Variants in MSR1 observed in about 807,000 individuals in gnomAD.
MSR1 encodes the protein macrophage scavenger receptor 1.
MSR1 carries 53 observed loss-of-function variants against 47.2 expected under a neutral mutation model. The ratio of observed to expected loss-of-function variants is 1.12; its 90% CI spans 0.90 to 1.41. MSR1 has a LOEUF of 1.41. Among genes scored for constraint, MSR1 ranks in the 40% most tolerant of loss-of-function variants. The probability of loss-of-function intolerance (pLI) is 0.00; values close to 1 mark genes in which losing one functional copy is unlikely to be tolerated. For synonymous variants in MSR1, 239 were observed against 185.6 expected, an observed-to-expected ratio of 1.29 and a Z score of -2.34; for missense variants, 786 against 546.9, an observed-to-expected ratio of 1.44 and a Z score of -4.36.
At chr8:16,152,342 C>T (rs901094840) in intron 6 of MSR1, among the ~76,000 whole-genome samples, 1 of 152,014 alleles carries the variant, frequency 6.6e-6, no homozygotes, top group Non-Finnish European at 1.5e-5. Context: ...TAGGGAGGGG[C>T]CTTCTTGGGG....
At chr8:16,119,883 T>G (rs1799956848) in intron 9 of MSR1, among the ~76,000 whole-genome samples, 1 of 150,132 alleles carries the variant, frequency 6.7e-6, no homozygotes, top group South Asian at 2.1e-4. Context: ...TTTTTTTTTT[T>G]TTTTTTTTAA....
intron 1 of MSR1, among the ~76,000 whole-genome samples, chr8:16,183,961 G>C (rs1031213599): frequency 1.0e-4 from 15 of 148,056 alleles, no homozygotes; most frequent in African/African-American, 3.5e-4. Flanking sequence ...TGGGGAAGTG[G>C]GTAATCAAGG....
chr8:16,122,251 G>C (rs892004041), intron 8 of MSR1, among the ~76,000 whole-genome samples: 1 of 152,022 alleles, frequency 6.6e-6, no homozygotes, highest in Admixed American at 6.5e-5. Context: ...TAAAATTCCT[G>C]AGTGGCCCAA....
intron 8 of MSR1, chr8:16,139,354 C>T: frequency 2.1e-6 from 2 of 946,944 alleles, no homozygotes; most frequent in Non-Finnish European, 2.5e-6. Context: ...CACAGAGCAT[C>T]TTCACACACA....
At position 16,177,462 on chromosome 8, in the gene MSR1, G is replaced by A. The variant is rs1585191441; in HGVS notation, c.103+424C>T. 2.0e-5 allele frequency among the ~76,000 whole-genome samples: 3 copies of A among 151,810 alleles called. No individual in the cohort carries two copies. The East Asian group carries it at 5.8e-4, about 29-fold the overall frequency. On this transcript the variant is annotated intron_variant, in intron 2 of 9. Transcript: ENST00000262101. ...GATTCTTCTCTAGAGCCTTCGAAAG[G>A]GCACATGGTCTTTCTGACACCTGCA...
chr8:16,141,240 T>A, intron 8 of MSR1: 1 of 629,196 alleles, frequency 1.6e-6, no homozygotes, highest in Non-Finnish European at 2.8e-6. Flanking sequence ...CAATAATTCA[T>A]CAAATGGTAA....
chr8:16,131,597 G>A (rs1309088573), intron 8 of MSR1, among the ~76,000 whole-genome samples: 1 of 151,778 alleles, frequency 6.6e-6, no homozygotes, highest in Non-Finnish European at 1.5e-5. Context: ...TTATCTTTCA[G>A]AGTTTTTATA....
chr8:16,134,688 C>A (rs981923674), intron 8 of MSR1, among the ~76,000 whole-genome samples: 1 of 152,070 alleles, frequency 6.6e-6, no homozygotes, highest in East Asian at 1.9e-4. Context: ...ACATGATAAA[C>A]CTTAGTGAGA....
intron 9 of MSR1, among the ~76,000 whole-genome samples, chr8:16,110,629 T>C (rs995476483): frequency 2.0e-5 from 3 of 152,156 alleles, no homozygotes; most frequent in African/African-American, 7.2e-5. Flanking sequence ...GGGGTATATT[T>C]GCACATAAAA....
chr8:16,151,533 C>A (rs1475708793), intron 6 of MSR1, among the ~76,000 whole-genome samples: 1 of 152,088 alleles, frequency 6.6e-6, no homozygotes, highest in Non-Finnish European at 1.5e-5. Context: ...TCCATAAGAT[C>A]AGATACCCTG....
intron 9 of MSR1, among the ~76,000 whole-genome samples, chr8:16,111,309 A>C (rs2117043815): frequency 6.6e-6 from 1 of 152,314 alleles, no homozygotes; most frequent in South Asian, 2.1e-4. Flanking sequence ...TATTATATTT[A>C]TTGTCATTTA....
At chr8:16,114,114 G>T (rs1003056861) in intron 9 of MSR1, among the ~76,000 whole-genome samples, 2 of 151,952 alleles carry the variant, frequency 1.3e-5, no homozygotes, top group Non-Finnish European at 2.9e-5. Flanking sequence ...GTAAAAATTT[G>T]ACTTGTGACC....
intron 9 of MSR1, among the ~76,000 whole-genome samples, chr8:16,110,965 T>G (rs1449596342): frequency 6.6e-6 from 1 of 152,124 alleles, no homozygotes; most frequent in African/African-American, 2.4e-5. Context: ...CTTTTTTACT[T>G]GAAATTTTAA....
intron 9 of MSR1, 98 bp from the exon 10 acceptor site, chr8:16,110,316 A>G (rs1585127837): frequency 7.3e-7 from 1 of 1,375,472 alleles, no homozygotes; most frequent in African/African-American, 1.4e-5. Flanking sequence ...TTAAACAAAA[A>G]AGTGTTGATT....
intron 1 of MSR1, among the ~76,000 whole-genome samples, chr8:16,181,791 A>C (rs1031452882): frequency 1.4e-5 from 2 of 146,754 alleles, no homozygotes; most frequent in Non-Finnish European, 3.0e-5. Flanking sequence ...CAGAACTTAA[A>C]GTATAATTTA....
chr8:16,178,107 T>C (rs1479125461), intron 1 of MSR1, 115 bp from the exon 2 acceptor site: 2 of 800,794 alleles, frequency 2.5e-6, no homozygotes, highest in Non-Finnish European at 4.0e-6. Flanking sequence ...GTTTTTCTTT[T>C]TTTTTTTTAA....
At chr8:16,170,534 G>A (rs950719861) in intron 3 of MSR1, among the ~76,000 whole-genome samples, 6 of 151,886 alleles carry the variant, frequency 4.0e-5, no homozygotes, top group African/African-American at 7.3e-5. Flanking sequence ...AAGATTTTCC[G>A]CATTTGACAA....
intron 2 of MSR1, among the ~76,000 whole-genome samples, chr8:16,175,678 G>T (rs1385893001): frequency 6.6e-6 from 1 of 152,066 alleles, no homozygotes; most frequent in Non-Finnish European, 1.5e-5. Context: ...ATTTTCTAAA[G>T]TAACTATGCA....
intron 8 of MSR1, among the ~76,000 whole-genome samples, chr8:16,126,444 G>A (rs962532505): frequency 1.1e-4 from 16 of 152,106 alleles, no homozygotes; most frequent in African/African-American, 3.6e-4. Context: ...TGATATTTGA[G>A]ATGCAAACAT....
Sources: gnomAD v4.1 joint callset for allele counts (sites outside exome capture counted in the v4.1 genomes callset) on GRCh38, gnomAD v4.1.1 for gene constraint, MANE v1.5 for transcripts, NCBI Gene and HGNC (gene_info 2026-07-23, HGNC 2026-07-21) for gene names.